Variants in KANSL2 observed in about 807,000 individuals in gnomAD.
The protein encoded by KANSL2 is KAT8 regulatory NSL complex subunit 2, also known as NSL complex protein NSL2.
KANSL2 carries 34 observed loss-of-function variants against 55.6 expected under a neutral mutation model. The ratio of observed to expected loss-of-function variants is 0.61; its 90% confidence interval spans 0.46 to 0.81. The LOEUF is 0.81. KANSL2 is among the 40% of genes least tolerant of loss of function. KANSL2 has a pLI of 0.00. For missense variants in KANSL2, 502 were observed against 609.9 expected, an observed-to-expected ratio of 0.82 and a Z score of 1.86; for synonymous variants, 209 against 214.3, an observed-to-expected ratio of 0.98 and a Z score of 0.22.
At chr12:48,656,264 T>A (rs1939378231) in intron 8 of KANSL2, among the ~76,000 whole-genome samples, 1 of 146,402 alleles carries the variant, frequency 6.8e-6, no homozygotes. Flanking sequence ...AACAACCTGG[T>A]TTTTTTTGTT....
chr12:48,680,844 G>A (rs531855918), intron 2 of KANSL2, among the ~76,000 whole-genome samples: 29 of 151,914 alleles, frequency 1.9e-4, no homozygotes, highest in African/African-American at 7.0e-4. Flanking sequence ...CGGGCATAGT[G>A]GCGCACGCCT....
chr12:48,661,590 GTTATA>G (rs1939488480), intron 7 of KANSL2, among the ~76,000 whole-genome samples: 1 of 152,086 alleles, frequency 6.6e-6, no homozygotes, highest in Admixed American at 6.5e-5. Context: ...GAATTATGGA[GTTATA>G]ATTTTCAACT....
At chr12:48,670,983 G>T (rs149197448) in intron 5 of KANSL2, among the ~76,000 whole-genome samples, 1 of 152,082 alleles carries the variant, frequency 6.6e-6, no homozygotes, top group Non-Finnish European at 1.5e-5. Context: ...AAGCTTATAG[G>T]CCAGGCGCAG....
chr12:48,655,767 A>G (rs1939367566), intron 8 of KANSL2, among the ~76,000 whole-genome samples: 1 of 152,134 alleles, frequency 6.6e-6, no homozygotes, highest in South Asian at 2.1e-4. Context: ...ACTGACTTGT[A>G]CACTTAAAAA....
intron 4 of KANSL2, among the ~76,000 whole-genome samples, 166 bp from the exon 5 acceptor site, chr12:48,672,128 CAA>C (rs60638037): frequency 0.034 from 5,095 of 151,898 alleles, 304 homozygotes; most frequent in African/African-American, 0.12. Flanking sequence ...TTAAATAAAA[CAA>C]AAGAGAAAAT....
In KANSL2 at chr12:48,657,621, C is replaced by T. The variant is rs112409092; in HGVS notation, c.1228-2561G>A. On this transcript the variant is annotated intron_variant, in intron 8 of 9. Transcript: ENST00000420613. ...TGTGCAATTTGTGTGTGTGTGTGTG[C>T]GTGCGTGTGTGTGAGACAGAGTTTC... 4.0e-5 allele frequency among the ~76,000 whole-genome samples: 6 copies of T among 149,122 alleles called. No homozygotes were observed. The South Asian group carries it at 8.5e-4, about 21-fold the overall frequency.
chr12:48,680,074 G>A, intron 2 of KANSL2: 1 of 438,990 alleles, frequency 2.3e-6, no homozygotes, highest in Non-Finnish European at 4.2e-6. Flanking sequence ...GGAGGCTGAG[G>A]CAAGGGATTG....
chr12:48,667,120 G>T (rs1051497554), intron 7 of KANSL2, among the ~76,000 whole-genome samples: 1 of 151,956 alleles, frequency 6.6e-6, no homozygotes. Context: ...TGAGGTGGAG[G>T]TTGCAGTGAG....
chr12:48,674,301 T>G (rs1939781725), intron 4 of KANSL2, among the ~76,000 whole-genome samples: 1 of 152,058 alleles, frequency 6.6e-6, no homozygotes, highest in South Asian at 2.1e-4. Flanking sequence ...CCACCACACC[T>G]GGCTAATTTT....
At chr12:48,666,249 TTTC>T (rs1368951525) in intron 7 of KANSL2, among the ~76,000 whole-genome samples, 52 of 151,936 alleles carry the variant, frequency 3.4e-4, no homozygotes, top group Non-Finnish European at 6.5e-4. Flanking sequence ...AAGAGCCAAG[TTTC>T]TTTTTTAAGT....
In KANSL2 at chr12:48,679,750, C is replaced by A; in HGVS notation, c.335G>T (p.Gly112Val). 1 of 1,610,730 alleles carries A rather than the reference C, an allele frequency of 6.2e-7. No individual in the cohort carries two copies. The highest frequency in any genetic ancestry group is 8.5e-7 in the Non-Finnish European group (1 of 1,178,456). ...QMKKTNPGPV[G>V]ETLLCQLSSY... ...GCTCAGCTGGCACAGGAGTGTTTCA[C>A]CCACAGGCCCTGGGTTGGTCTTCTT... Residue 112 changes from glycine to valine, a missense_variant, in exon 3 of 10, where the codon GGT (glycine) becomes GTT (valine). Gly to Val is a moderately radical substitution (Grantham distance 109). Coordinates refer to ENST00000420613, the MANE Select transcript of KANSL2 (RefSeq NM_017822.4).
At chr12:48,670,215 A>T (rs1262157620) in intron 5 of KANSL2, among the ~76,000 whole-genome samples, 1 of 151,466 alleles carries the variant, frequency 6.6e-6, no homozygotes, top group Non-Finnish European at 1.5e-5. Context: ...AAAAAAAAAA[A>T]TCTAGCACCT....
chr12:48,670,018 T>C (rs1159619888), intron 5 of KANSL2, among the ~76,000 whole-genome samples: 2 of 151,826 alleles, frequency 1.3e-5, no homozygotes, highest in African/African-American at 2.4e-5. Flanking sequence ...CTGGCCAACA[T>C]GGTGAAACCC....
chr12:48,678,189 T>G (rs1488000976), intron 4 of KANSL2, among the ~76,000 whole-genome samples: 1 of 152,190 alleles, frequency 6.6e-6, no homozygotes, highest in Non-Finnish European at 1.5e-5. Flanking sequence ...TTACATAAAC[T>G]GTCAGTACAA....
At chr12:48,668,356 T>A (rs199883979) in intron 6 of KANSL2, among the ~76,000 whole-genome samples, 2 of 152,334 alleles carry the variant, frequency 1.3e-5, no homozygotes, top group East Asian at 3.9e-4. Context: ...CCCAGAAAAT[T>A]TAAGCTAACT....
intron 7 of KANSL2, among the ~76,000 whole-genome samples, chr12:48,665,067 G>A (rs1200262324): frequency 6.6e-6 from 1 of 151,644 alleles, no homozygotes; most frequent in African/African-American, 2.4e-5. Flanking sequence ...TTAGAGATGA[G>A]GTCTTACTGT....
rs1183505306 is a variant in KANSL2, at chr12:48,662,784, T to G, written c.974-2165A>C. The G allele has an allele frequency of 1.1e-5, 5 of 459,844 alleles. No homozygotes were observed. In the Admixed American group the frequency reaches 2.5e-4, roughly 23 times the overall value. 28.5% of individuals were successfully genotyped at this position (459,844 alleles called of 1,614,324 possible). On this transcript the variant is annotated intron_variant, in intron 7 of 9. Transcript: ENST00000420613. ...TTTTCAATTTTGCTTTATATTTATA[T>G]TTTAATAAGCTATTTGACTACAGTA... is the stretch of plus-strand genomic sequence containing the variant.
At chr12:48,662,452 T>A in intron 7 of KANSL2, 1 of 1,046,380 alleles carries the variant, frequency 9.6e-7, no homozygotes, top group Non-Finnish European at 1.2e-6. Context: ...AAGTCTCTTA[T>A]GTATTTAATA....
chr12:48,661,334 T>A, intron 7 of KANSL2: 1 of 356,836 alleles, frequency 2.8e-6, no homozygotes, highest in Non-Finnish European at 3.9e-6. Flanking sequence ...ACAACTTTTG[T>A]TAAAGGTAGA....
Sources: allele counts gnomAD v4.1 joint callset (sites outside exome capture counted in the v4.1 genomes callset), GRCh38; gene constraint gnomAD v4.1.1; transcripts MANE v1.5; gene names NCBI Gene and HGNC (gene_info 2026-07-23, HGNC 2026-07-21).